DNAI1: variants seen among roughly 807,000 people sequenced by gnomAD.
The protein encoded by DNAI1 is dynein axonemal intermediate chain 1, also known as dynein, axonemal, intermediate polypeptide 1.
DNAI1 carries 67 observed loss-of-function variants against 92.0 expected under a neutral mutation model. That is an observed-to-expected ratio of 0.73 (90% CI 0.60 to 0.89). DNAI1 has a LOEUF of 0.89. Ranked by LOEUF, DNAI1 falls within the 40% of genes least tolerant of loss-of-function variation. The pLI is 0.00. For missense variants in DNAI1, 839 were observed against 866.6 expected, an observed-to-expected ratio of 0.97 and a Z score of 0.40; for synonymous variants, 323 against 319.6, an observed-to-expected ratio of 1.01 and a Z score of -0.11.
At chr9:34,511,605 C>G (rs911072960) in intron 13 of DNAI1, among the ~76,000 whole-genome samples, 1 of 152,172 alleles carries the variant, frequency 6.6e-6, no homozygotes, top group African/African-American at 2.4e-5. Flanking sequence ...TAACATGTAT[C>G]GAATACTTCA....
intron 9 of DNAI1, among the ~76,000 whole-genome samples, chr9:34,496,230 G>C (rs1360938617): frequency 1.3e-5 from 2 of 152,230 alleles, no homozygotes; most frequent in African/African-American, 2.4e-5. Flanking sequence ...TAGGAGTGCA[G>C]GTCTGTGCGG....
intron 19 of DNAI1, among the ~76,000 whole-genome samples, chr9:34,518,309 C>T (rs1217332158): frequency 6.6e-6 from 1 of 152,226 alleles, no homozygotes; most frequent in South Asian, 2.1e-4. Context: ...CTGTGTCTTT[C>T]GACTACTGTC....
Position 34,482,225 on chromosome 9 carries a change from T to C in DNAI1, c.49-1223T>C, listed in dbSNP as rs527664839. 1.6e-3 allele frequency among the ~76,000 whole-genome samples: 230 copies of C among 147,060 alleles called. 1 individual carries two copies. The highest frequency in any genetic ancestry group is 2.9e-3 in the Admixed American group (43 of 14,784). ...CCTTGAGCTAGATACAGAGTGCTGATTGGTGTATTTACAATCCTTGAGCTA... is the reference window on the plus strand; with the variant it reads ...CCTTGAGCTAGATACAGAGTGCTGACTGGTGTATTTACAATCCTTGAGCTA... On this transcript the variant is annotated intron_variant, in intron 1 of 19. Coordinates refer to ENST00000242317, the MANE Select transcript of DNAI1 (RefSeq NM_012144.4).
chr9:34,498,265 T>G (rs897890219), intron 10 of DNAI1, among the ~76,000 whole-genome samples: 2 of 152,258 alleles, frequency 1.3e-5, no homozygotes, highest in Non-Finnish European at 2.9e-5. Context: ...CATGTTATTA[T>G]TTTGTTTGTT....
intron 1 of DNAI1, among the ~76,000 whole-genome samples, chr9:34,480,474 C>T (rs1824330899): frequency 2.0e-5 from 3 of 151,780 alleles, no homozygotes; most frequent in Admixed American, 6.6e-5. Context: ...GACAGGGTTT[C>T]GCCATGTTGA....
At chr9:34,477,164 C>T (rs1396928762) in intron 1 of DNAI1, among the ~76,000 whole-genome samples, 2 of 152,102 alleles carry the variant, frequency 1.3e-5, no homozygotes, top group African/African-American at 4.8e-5. Flanking sequence ...TACAGGCACA[C>T]ACCACCACAC....
rs1228318421 is a variant in DNAI1 at position 34,493,300 on chromosome 9, T to C, written c.788T>C (p.Met263Thr). ...GCTAAAAAATCAGGGAAGATGGCCA[T>C]GAGGAAGCTGACATCTATGGAGTCT... Reference protein sequence around the residue: ...PVAKKSGKMAMRKLTSMESQT... With the variant: ...PVAKKSGKMATRKLTSMESQT... Residue 263 changes from methionine to threonine, a missense_variant, in exon 9 of 20, where the codon ATG becomes ACG. Transcript: ENST00000242317. 1.1e-5 allele frequency: 17 copies of C among 1,613,942 alleles called. No individual in the cohort carries two copies. The South Asian group carries it at 1.5e-4, about 15-fold the overall frequency.
At chr9:34,482,309 C>T (rs75280615) in intron 1 of DNAI1, among the ~76,000 whole-genome samples, 1 of 149,522 alleles carries the variant, frequency 6.7e-6, no homozygotes, top group Non-Finnish European at 1.5e-5. Flanking sequence ...TCGATTGGTG[C>T]ACTCACAAAC....
chr9:34,495,282 A>T (rs1824698503), intron 9 of DNAI1, among the ~76,000 whole-genome samples: 1 of 152,150 alleles, frequency 6.6e-6, no homozygotes, highest in Non-Finnish European at 1.5e-5. Context: ...TCCTCAGAAC[A>T]CAACTGGAAA....
chr9:34,506,331 A>T (rs1824929051), intron 12 of DNAI1, among the ~76,000 whole-genome samples: 2 of 152,136 alleles, frequency 1.3e-5, no homozygotes, highest in Non-Finnish European at 2.9e-5. Context: ...CACCTTCTTC[A>T]CTTAGCAGCT....
Position 34,517,360 on chromosome 9 carries a change from C to T in DNAI1, c.1894C>T (p.Leu632Phe). 6.2e-7 allele frequency: 1 copy of T among 1,614,188 alleles called. No individual in the cohort carries two copies. The highest frequency in any genetic ancestry group is 1.3e-5 in the African/African-American group (1 of 75,054). The change falls in exon 19 of 20, where the codon CTC becomes TTC. Residue 632 changes from leucine (L) to phenylalanine (F), a missense_variant. By Grantham distance (22) the Leu-to-Phe change is conservative (BLOSUM62 0). Coordinates refer to ENST00000242317, the MANE Select transcript of DNAI1 (RefSeq NM_012144.4). ...NQPVAAKKNR[L>F]THVQFNLIHP... ...GCCTGTGGCGGCCAAAAAGAACAGG[C>T]TCACCCACGTGCAGTTCAATCTCAT...
At position 34,490,372 on chromosome 9, in the gene DNAI1, G is replaced by T; in HGVS notation, c.505G>T (p.Ala169Ser). Residue 169 changes from alanine (A) to serine (S), a missense_variant, in exon 7 of 20, where the codon GCT becomes TCT. Ala to Ser is a moderately conservative substitution (Grantham distance 99). Coordinates refer to ENST00000242317, the MANE Select transcript of DNAI1 (RefSeq NM_012144.4). ...TCCTCTGGGTCTTTATTTTCAGGCA[G>T]CTGAAAAAGTGACTGAAGAAGAATT... ...SQTDVPAAGA[A>S]EKVTEEELMT... 6.2e-7 allele frequency: 1 copy of T among 1,614,136 alleles called. No individual in the cohort carries two copies. Among genetic ancestry groups the T allele is most frequent in the South Asian group, 1.1e-5 (1 of 91,082 alleles).
rs141089746 is a variant in DNAI1 at position 34,506,740 on chromosome 9, G to A, written c.1177G>A (p.Val393Met). ...CGGCGTCATGTGTCTCGACATCCAC[G>A]TGGACCACCCCTACCTGGTGGCAGT... ...NSGVMCLDIH[V>M]DHPYLVAVGH... Residue 393 changes from valine to methionine, a missense_variant, in exon 13 of 20, where the codon GTG becomes ATG. Coordinates refer to ENST00000242317, the MANE Select transcript of DNAI1 (RefSeq NM_012144.4). 716 of 1,614,048 alleles carry A rather than the reference G, an allele frequency of 4.4e-4. 2 individuals are homozygous for A. Among genetic ancestry groups the A allele is most frequent in the Middle Eastern group, 1.5e-3 (9 of 6,084 alleles).
chr9:34,500,843 A>G lies in DNAI1; in HGVS notation c.1019+4A>G. ...TGTCCGTCACTGCCCTCTGCTGGTA[A>G]GTATAGGCATTGCAGCAAATGCAGA... On this transcript the variant is annotated splice_donor_region_variant and intron_variant, in intron 11 of 19. Coordinates refer to ENST00000242317, the MANE Select transcript of DNAI1 (RefSeq NM_012144.4). The G allele has an allele frequency of 1.2e-6, 2 of 1,611,722 alleles. No homozygotes were observed. The highest frequency in any genetic ancestry group is 1.1e-5 in the South Asian group (1 of 91,024).
Position 34,514,471 on chromosome 9 carries a change from C to T in DNAI1, c.1647C>T (p.Asn549=), listed in dbSNP as rs1825133148. 1.2e-6 allele frequency: 2 copies of T among 1,614,258 alleles called. No individual in the cohort carries two copies. The highest frequency in any genetic ancestry group is 1.6e-4 in the Middle Eastern group (1 of 6,062). The change falls in exon 17 of 20, where the codon AAC becomes AAT. Residue 549 remains asparagine (N), a synonymous_variant. Transcript: ENST00000242317. ...TGTCAGTGGACACTGTGTCCTGGAA[C>T]CCATACCACACCAAGGTCTTCATGT... ...HNMSVDTVSW[N]PYHTKVFMSC...
intron 1 of DNAI1, 112 bp downstream of exon 1, chr9:34,459,165 T>A (rs1315746081): frequency 1.9e-6 from 2 of 1,066,168 alleles, no homozygotes; most frequent in Non-Finnish European, 2.9e-6. Flanking sequence ...ACCCCAGCCT[T>A]CTCACCCCCG....
Position 34,485,195 on chromosome 9 carries a change from CAAAGCCACAGTT to C in DNAI1, c.137_148del (p.Lys46_Val49del), listed in dbSNP as rs1412195308. 8 of 1,614,194 alleles carry C rather than the reference CAAAGCCACAGTT, an allele frequency of 5.0e-6. No individual in the cohort carries two copies. The highest frequency in any genetic ancestry group is 5.9e-6 in the Non-Finnish European group (7 of 1,180,036). Reference sequence around the variant, plus strand: ...AAGGCACAGATGAATGGGCCCAATCCAAAGCCACAGTTAGACCCCCTGACCAGCTGGAGTTGA... The same window carrying C: ...AAGGCACAGATGAATGGGCCCAATCCAGACCCCCTGACCAGCTGGAGTTGA... On this transcript the variant is annotated inframe_deletion, in exon 3 of 20. Coordinates refer to ENST00000242317, the MANE Select transcript of DNAI1 (RefSeq NM_012144.4).
At position 34,514,405 on chromosome 9, in the gene DNAI1, C is replaced by G. The variant is rs764324297; in HGVS notation, c.1581C>G (p.Ser527=). The change falls in exon 17 of 20, where the codon TCC becomes TCG. Residue 527 remains serine (S), a synonymous_variant. Transcript: ENST00000242317. ...CCCTCCCCGACCAGTGCTCTAAATCCTACTCCAGCCAATTCCTCGACACCT... is the reference window on the plus strand; with the variant it reads ...CCCTCCCCGACCAGTGCTCTAAATCGTACTCCAGCCAATTCCTCGACACCT... The part of the protein sequence containing the change: ...EEGKIYKCSK[S]YSSQFLDTYD... 6.2e-7 allele frequency: 1 copy of G among 1,614,144 alleles called. No homozygotes were observed. The highest frequency in any genetic ancestry group is 1.1e-5 in the South Asian group (1 of 91,090).
intron 9 of DNAI1, among the ~76,000 whole-genome samples, chr9:34,494,555 G>T (rs1167994453): frequency 6.6e-6 from 1 of 152,192 alleles, no homozygotes; most frequent in Non-Finnish European, 1.5e-5. Context: ...TATAAGCTCT[G>T]TACTGGGACC....
Sources: gnomAD v4.1 joint callset for allele counts (sites outside exome capture counted in the v4.1 genomes callset) on GRCh38, gnomAD v4.1.1 for gene constraint, MANE v1.5 for transcripts, NCBI Gene and HGNC (gene_info 2026-07-23, HGNC 2026-07-21) for gene names.